Variants in SLC35F2 observed in about 807,000 individuals in gnomAD.
The protein encoded by SLC35F2 is solute carrier family 35 member F2, also known as queuine/queuosine transporter SLC35F2.
Under a neutral mutation model 38.1 loss-of-function variants are expected in SLC35F2, and 25 were observed. The ratio of observed to expected loss-of-function variants is 0.66; its 90% CI spans 0.48 to 0.92. The LOEUF is 0.92. Ranked by LOEUF, SLC35F2 falls within the 40% of genes least tolerant of loss-of-function variation. SLC35F2 has a pLI of 0.00. For synonymous variants in SLC35F2, 173 were observed against 181.7 expected, an observed-to-expected ratio of 0.95 and a Z score of 0.38; for missense variants, 409 against 452.9, an observed-to-expected ratio of 0.90 and a Z score of 0.88.
At chr11:107,814,411 C>T (rs184712168) in intron 2 of SLC35F2, among the ~76,000 whole-genome samples, 90 of 150,698 alleles carry the variant, frequency 6.0e-4, no homozygotes, top group African/African-American at 2.0e-3. Flanking sequence ...GCCAAGATCA[C>T]GCCACTGCAC....
Position 107,803,113 on chromosome 11 carries a change from T to C in SLC35F2, c.827A>G (p.Tyr276Cys), listed in dbSNP as rs978004235. 1 of 1,613,492 alleles carries C rather than the reference T, an allele frequency of 6.2e-7. No individual in the cohort carries two copies. The highest frequency in any genetic ancestry group is 1.3e-5 in the African/African-American group (1 of 74,868). Residue 276 changes from tyrosine (Y) to cysteine (C), a missense_variant, in exon 7 of 8, where the codon TAC becomes TGC. By Grantham distance (194) the Tyr-to-Cys change is radical (BLOSUM62 -2). Coordinates refer to ENST00000525815, the MANE Select transcript of SLC35F2 (RefSeq NM_017515.5). ...VAFALCMFCL[Y>C]SFMPLVIKVT... ...TTTAATCACCAATGGCATGAAGCTG[T>C]ACAGGCAAAACATACACAGGGCAAA...
At chr11:107,805,595 C>T in intron 4 of SLC35F2, 80 bp from the exon 5 acceptor site, 1 of 1,508,370 alleles carries the variant, frequency 6.6e-7, no homozygotes, top group Non-Finnish European at 8.8e-7. Flanking sequence ...GGTCATCTGA[C>T]TCGTGTTCAT....
intron 1 of SLC35F2, chr11:107,821,620 A>G: frequency 4.1e-6 from 4 of 985,450 alleles, no homozygotes; most frequent in Non-Finnish European, 3.6e-6. Context: ...AATTCTGAAC[A>G]GAGGAACCCT....
chr11:107,858,566 G>C (rs1342143589), intron 1 of SLC35F2, 92 bp downstream of exon 1: 2 of 1,124,216 alleles, frequency 1.8e-6, no homozygotes, highest in Non-Finnish European at 2.3e-6. Context: ...CCTGCTGGGG[G>C]CCTCAGAGAG....
chr11:107,832,274 T>G (rs1052268608), intron 1 of SLC35F2, among the ~76,000 whole-genome samples: 2 of 152,140 alleles, frequency 1.3e-5, no homozygotes, highest in Admixed American at 1.3e-4. Context: ...GCATTCCCAA[T>G]GTTGTTAGTT....
intron 1 of SLC35F2, among the ~76,000 whole-genome samples, chr11:107,824,386 A>T (rs967104061): frequency 6.6e-6 from 1 of 152,214 alleles, no homozygotes; most frequent in Admixed American, 6.5e-5. Context: ...GAACTCAATG[A>T]ATGTTACAGT....
chr11:107,802,834 C>G (rs7109020), intron 7 of SLC35F2, among the ~76,000 whole-genome samples, 167 bp downstream of exon 7: 1 of 152,030 alleles, frequency 6.6e-6, no homozygotes, highest in African/African-American at 2.4e-5. Flanking sequence ...ACAATTCTTA[C>G]GTGAACCCAT....
chr11:107,824,812 C>T (rs568417840), intron 1 of SLC35F2, among the ~76,000 whole-genome samples: 124 of 152,314 alleles, frequency 8.1e-4, no homozygotes, highest in African/African-American at 2.9e-3. Flanking sequence ...AACCTCTTGA[C>T]CATACCTGTC....
At chr11:107,829,861 C>T (rs914088447) in intron 1 of SLC35F2, among the ~76,000 whole-genome samples, 1 of 152,090 alleles carries the variant, frequency 6.6e-6, no homozygotes, top group East Asian at 1.9e-4. Context: ...TATAGTGGTG[C>T]TAGCAAGACC....
At chr11:107,794,088 T>TC (rs1403785237) in intron 7 of SLC35F2, among the ~76,000 whole-genome samples, 1 of 151,474 alleles carries the variant, frequency 6.6e-6, no homozygotes, top group African/African-American at 2.4e-5. Context: ...TTTTTCTTTT[T>TC]TTTTTTTTTT....
chr11:107,853,449 T>G (rs1860220757), intron 1 of SLC35F2, among the ~76,000 whole-genome samples: 1 of 152,100 alleles, frequency 6.6e-6, no homozygotes, highest in Admixed American at 6.6e-5. Flanking sequence ...CCGGGCGCGG[T>G]GGCTCACGCC....
At chr11:107,801,553 G>A (rs1300148694) in intron 7 of SLC35F2, among the ~76,000 whole-genome samples, 1 of 151,388 alleles carries the variant, frequency 6.6e-6, no homozygotes, top group African/African-American at 2.4e-5. Flanking sequence ...AGGTATAAAT[G>A]ACTGGGGTTC....
In SLC35F2 at chr11:107,792,699, C is replaced by T; in HGVS notation, c.1041G>A (p.Val347=). The change falls in exon 8 of 8, where the codon GTG becomes GTA. Residue 347 remains valine, a synonymous_variant. Coordinates refer to ENST00000525815, the MANE Select transcript of SLC35F2 (RefSeq NM_017515.5). ...TRTAEPAESS[V]PPVTSIGIDN... Reference sequence around the variant, plus strand: ...CAATCCCAATGCTGGTGACTGGAGGCACGCTGCTTTCAGCCGGCTCGGCCG... The same window carrying T: ...CAATCCCAATGCTGGTGACTGGAGGTACGCTGCTTTCAGCCGGCTCGGCCG... 1 of 1,613,988 alleles carries T rather than the reference C, an allele frequency of 6.2e-7. No homozygotes were observed. Among genetic ancestry groups the T allele is most frequent in the Non-Finnish European group, 8.5e-7 (1 of 1,179,970 alleles).
chr11:107,824,010 T>A, intron 1 of SLC35F2: 1 of 984,686 alleles, frequency 1.0e-6, no homozygotes, highest in Non-Finnish European at 1.2e-6. Flanking sequence ...CAAGATGAAC[T>A]GTTTTCTTTC....
intron 4 of SLC35F2, 58 bp from the exon 5 acceptor site, chr11:107,805,573 G>C: frequency 1.3e-6 from 2 of 1,559,810 alleles, no homozygotes; most frequent in South Asian, 1.2e-5. Flanking sequence ...CCTCCACAGC[G>C]TGCCTCCAGG....
chr11:107,815,777 A>G lies in SLC35F2; in HGVS notation c.286+13T>C. On this transcript the variant is annotated intron_variant, in intron 2 of 7. Transcript: ENST00000525815. ...TAATTTTGTTGAAAAGATAATTTCC[A>G]CATTTGACATACCTGATCGAAATGC... is the stretch of plus-strand genomic sequence containing the variant. 1.3e-6 allele frequency: 2 copies of G among 1,570,722 alleles called. No homozygotes were observed. The highest frequency in any genetic ancestry group is 4.5e-5 in the East Asian group (2 of 44,322).
chr11:107,792,770 C>A lies in SLC35F2; in HGVS notation c.970G>T (p.Val324Phe). The A allele has an allele frequency of 6.3e-7, 1 of 1,599,152 alleles. No individual in the cohort carries two copies. The highest frequency in any genetic ancestry group is 2.3e-5 in the East Asian group (1 of 43,900). ...TACAGGATAAACCCCACCATGATGA[C>A]AGTGAAGGACAGGATGTAGAGTCCT... is the stretch of plus-strand genomic sequence containing the variant. ...FSGLYILSFT[V>F]IMVGFILYCS... The change falls in exon 8 of 8, where the codon GTC (valine) becomes TTC (phenylalanine). Residue 324 changes from valine to phenylalanine, a missense_variant. Val to Phe is a conservative substitution (Grantham distance 50). Coordinates refer to ENST00000525815, the MANE Select transcript of SLC35F2 (RefSeq NM_017515.5).
chr11:107,843,867 AAATATATATATATATATATATAT>A (rs1860058346), intron 1 of SLC35F2, among the ~76,000 whole-genome samples: 3 of 30,706 alleles, frequency 9.8e-5, no homozygotes, highest in African/African-American at 4.3e-4. Context: ...AAAAAAAAAA[AAATATATATATATATATATATAT>A]ATATATATAT....
intron 2 of SLC35F2, 75 bp downstream of exon 2, chr11:107,815,715 T>C (rs78196341): frequency 0.031 from 46,165 of 1,490,380 alleles, 946 homozygotes; most frequent in Non-Finnish European, 0.036. Flanking sequence ...TCACAGAATT[T>C]AGAGGTGTCA....
Sources: allele counts gnomAD v4.1 joint callset (sites outside exome capture counted in the v4.1 genomes callset), GRCh38; gene constraint gnomAD v4.1.1; transcripts MANE v1.5; gene names NCBI Gene and HGNC (gene_info 2026-07-23, HGNC 2026-07-21).